Variants in ZNF131 observed in about 807,000 individuals in gnomAD.
The protein encoded by ZNF131 is zinc finger protein 131.
Under a neutral mutation model 60.0 loss-of-function variants are expected in ZNF131, and 7 were observed. The ratio of observed to expected loss-of-function variants is 0.12; its 90% confidence interval spans 0.07 to 0.22. ZNF131 has a LOEUF of 0.22. ZNF131 is among the 10% of genes least tolerant of loss of function. The pLI is 1.00. For synonymous variants in ZNF131, 257 were observed against 253.2 expected (o/e 1.01, Z -0.14); for missense variants, 493 against 740.9 (o/e 0.67, Z 3.88).
At chr5:43,147,418 T>C (rs139224645) in intron 4 of ZNF131, among the ~76,000 whole-genome samples, 8,135 of 151,412 alleles carry the variant, frequency 0.054, 323 homozygotes, top group South Asian at 0.13. Context: ...ATTTTATTTA[T>C]TTATTTATTT....
At chr5:43,126,252 T>G (rs1423379126) in intron 3 of ZNF131, among the ~76,000 whole-genome samples, 5 of 152,250 alleles carry the variant, frequency 3.3e-5, no homozygotes, top group Non-Finnish European at 7.3e-5. Context: ...TGGATGCTGT[T>G]AAAATCCTCT....
rs1751511849 is a variant in ZNF131 at position 43,175,770 on chromosome 5, T to C, written c.*637T>C. 1 of 268,098 alleles carries C rather than the reference T, an allele frequency of 3.7e-6. No homozygotes were observed. The highest frequency in any genetic ancestry group is 5.2e-5 in the Admixed American group (1 of 19,212). The allele number at this position is 268,098 out of a possible 1,614,324, so 16.6% of individuals were successfully genotyped here. A position where few individuals can be genotyped will look rare whatever the true frequency, so the allele number is the denominator to read the frequency against. On this transcript the variant is annotated 3_prime_UTR_variant, in exon 7 of 7. Coordinates refer to ENST00000682664, the MANE Select transcript of ZNF131 (RefSeq NM_001330707.2). ...TGTGCCTTCTCAAAACCAACTGAAC[T>C]TCTATAAAGCATCTCTGGTTCTTTC...
rs945354790 is a variant in ZNF131 at position 43,136,064 on chromosome 5, G to A, written c.227-3101G>A. ...CGGGAGGTGGTGGTTGCGGTGAGCC[G>A]AGCCTCTGTACTCCAGCTCGGGCAA... On this transcript the variant is annotated intron_variant, in intron 3 of 6. Transcript: ENST00000682664. Among the ~76,000 whole-genome samples the A allele has an allele frequency of 6.6e-5, 10 of 152,250 alleles. No individual in the cohort carries two copies. The East Asian group carries it at 7.7e-4, about 12-fold the overall frequency.
At chr5:43,121,900 C>A in intron 1 of ZNF131, 139 bp from the exon 2 acceptor site, 1 of 974,608 alleles carries the variant, frequency 1.0e-6, no homozygotes, top group Non-Finnish European at 1.4e-6. Flanking sequence ...CCTTTCTTCC[C>A]TCGCCTTTCT....
chr5:43,170,729 T>G (rs1406923675), intron 5 of ZNF131, among the ~76,000 whole-genome samples: 5 of 150,282 alleles, frequency 3.3e-5, no homozygotes. Context: ...GCCTCCCAGG[T>G]TCAAGTGATT....
intron 4 of ZNF131, among the ~76,000 whole-genome samples, chr5:43,157,099 T>G (rs1749057372): frequency 6.6e-6 from 1 of 152,186 alleles, no homozygotes; most frequent in African/African-American, 2.4e-5. Context: ...TTATCTATGG[T>G]TTCCCATAGG....
chr5:43,156,581 A>G (rs1298967019), intron 4 of ZNF131, among the ~76,000 whole-genome samples: 15 of 152,184 alleles, frequency 9.9e-5, no homozygotes, highest in South Asian at 2.1e-4. Flanking sequence ...AGCCCACCCA[A>G]TGACCTCAGT....
At chr5:43,124,862 CAA>C (rs35543523) in intron 3 of ZNF131, 1 of 151,828 alleles carries the variant, frequency 6.6e-6, no homozygotes, top group African/African-American at 2.4e-5. Context: ...CTCTTCTCTA[CAA>C]AAAATTTAAA....
intron 3 of ZNF131, among the ~76,000 whole-genome samples, chr5:43,127,961 A>G (rs988672185): frequency 4.6e-5 from 7 of 152,214 alleles, no homozygotes; most frequent in African/African-American, 9.6e-5. Context: ...AGCCCCTACT[A>G]TCAAGAACAA....
chr5:43,145,585 G>A (rs565300480), intron 4 of ZNF131, among the ~76,000 whole-genome samples: 16 of 152,064 alleles, frequency 1.1e-4, no homozygotes, highest in African/African-American at 3.4e-4. Context: ...TCCGGGAGGC[G>A]GAGGTTGCAG....
chr5:43,138,248 T>TA (rs1746378226), intron 3 of ZNF131, among the ~76,000 whole-genome samples: 1 of 150,788 alleles, frequency 6.6e-6, no homozygotes, highest in African/African-American at 2.5e-5. Context: ...CAATAAATGT[T>TA]AAAAGGTTTC....
intron 4 of ZNF131, among the ~76,000 whole-genome samples, chr5:43,147,478 C>T (rs934919482): frequency 6.6e-5 from 10 of 151,564 alleles, no homozygotes; most frequent in African/African-American, 1.9e-4. Flanking sequence ...AGTGCAGTGG[C>T]GTGATCTCGG....
intron 5 of ZNF131, among the ~76,000 whole-genome samples, chr5:43,164,234 T>C (rs1431778028): frequency 1.3e-5 from 2 of 152,200 alleles, no homozygotes; most frequent in Non-Finnish European, 2.9e-5. Context: ...AACCCATGTA[T>C]GTAGAAGACC....
At chr5:43,155,166 C>T (rs193011307) in intron 4 of ZNF131, among the ~76,000 whole-genome samples, 1 of 152,230 alleles carries the variant, frequency 6.6e-6, no homozygotes, top group East Asian at 1.9e-4. Context: ...AGTTAGGGAG[C>T]TGCTACTTTT....
At chr5:43,170,556 C>A (rs1561449879) in intron 5 of ZNF131, among the ~76,000 whole-genome samples, 1 of 152,110 alleles carries the variant, frequency 6.6e-6, no homozygotes, top group Non-Finnish European at 1.5e-5. Context: ...TATTCAAGAC[C>A]TCTGTCCACA....
intron 5 of ZNF131, among the ~76,000 whole-genome samples, chr5:43,168,393 G>A (rs1441313632): frequency 6.6e-6 from 1 of 152,138 alleles, no homozygotes; most frequent in East Asian, 1.9e-4. Flanking sequence ...AAATTGTTTG[G>A]ATCACTGTTA....
At chr5:43,168,709 A>G (rs1750638070) in intron 5 of ZNF131, among the ~76,000 whole-genome samples, 1 of 152,180 alleles carries the variant, frequency 6.6e-6, no homozygotes, top group Non-Finnish European at 1.5e-5. Context: ...GATAGATTGG[A>G]GTGGGTTGAA....
intron 5 of ZNF131, among the ~76,000 whole-genome samples, chr5:43,172,523 GAGACACA>G (rs1751121447): frequency 6.6e-6 from 1 of 151,860 alleles, no homozygotes; most frequent in Admixed American, 6.6e-5. Context: ...TCGGGAGGCT[GAGACACA>G]AGAATCACTT....
At chr5:43,148,756 G>T (rs1353140362) in intron 4 of ZNF131, among the ~76,000 whole-genome samples, 1 of 152,136 alleles carries the variant, frequency 6.6e-6, no homozygotes, top group African/African-American at 2.4e-5. Context: ...CTTTAATAAG[G>T]TATAATATAA....
Sources: gnomAD v4.1 joint callset for allele counts (sites outside exome capture counted in the v4.1 genomes callset) on GRCh38, gnomAD v4.1.1 for gene constraint, MANE v1.5 for transcripts, NCBI Gene and HGNC (gene_info 2026-07-23, HGNC 2026-07-21) for gene names.